The following MLIP variants were observed in gnomAD, a reference collection of about 807,000 sequenced individuals.
MLIP encodes the protein muscular LMNA interacting protein.
MLIP carries 79 observed loss-of-function variants against 84.8 expected under a neutral mutation model. That is an observed-to-expected ratio of 0.93 (90% CI 0.78 to 1.12). The LOEUF is 1.12. Ranked by LOEUF, MLIP falls within the 50% of genes most tolerant of loss-of-function variation. The probability of loss-of-function intolerance (pLI) is 0.00; values close to 1 mark genes in which losing one functional copy is unlikely to be tolerated. For synonymous variants in MLIP, 504 were observed against 463.0 expected (o/e 1.09, Z -1.14); for missense variants, 1,257 against 1,160.6 (o/e 1.08, Z -1.21).
intron 3 of MLIP, among the ~76,000 whole-genome samples, chr6:54,132,599 G>A (rs1771474096): frequency 6.6e-6 from 1 of 152,300 alleles, no homozygotes; most frequent in East Asian, 1.9e-4. Flanking sequence ...TGTGGAGAAT[G>A]TAAAGTTTTT....
intron 9 of MLIP, among the ~76,000 whole-genome samples, chr6:54,182,658 C>T (rs543797457): frequency 8.4e-4 from 128 of 152,226 alleles, no homozygotes; most frequent in African/African-American, 3.0e-3. Context: ...ATTCTATGAA[C>T]TTTGTAGAGG....
intron 1 of MLIP, among the ~76,000 whole-genome samples, chr6:54,106,296 GT>G (rs961950225): frequency 4.9e-4 from 73 of 150,348 alleles, no homozygotes; most frequent in African/African-American, 1.6e-3. Context: ...TGGGCAAGAA[GT>G]TTTTTTTTTC....
intron 10 of MLIP, among the ~76,000 whole-genome samples, chr6:54,198,713 A>C (rs1778463157): frequency 6.6e-6 from 1 of 152,202 alleles, no homozygotes; most frequent in Non-Finnish European, 1.5e-5. Flanking sequence ...TTTATTAACA[A>C]CATTGCAAAA....
chr6:54,022,812 A>G (rs1763570159), intron 1 of MLIP, among the ~76,000 whole-genome samples: 1 of 152,198 alleles, frequency 6.6e-6, no homozygotes. Context: ...TATTGTATTA[A>G]CATAATATGT....
Position 54,136,920 on chromosome 6 carries a change from C to G in MLIP, c.851C>G (p.Ser284Cys), listed in dbSNP as rs1771848246. 3 of 1,535,946 alleles carry G rather than the reference C, an allele frequency of 2.0e-6. No individual in the cohort carries two copies. The highest frequency in any genetic ancestry group is 2.6e-6 in the Non-Finnish European group (3 of 1,146,892). The change falls in exon 4 of 14, where the codon TCT (serine) becomes TGT (cysteine). Residue 284 changes from serine (S) to cysteine (C), a missense_variant. Physicochemically the swap from Ser to Cys is moderately radical, Grantham distance 112 (BLOSUM62 -1). Coordinates refer to ENST00000502396, the MANE Select transcript of MLIP (RefSeq NM_001281747.2). The part of the protein sequence containing the change: ...SATYFQTTAH[S>C]TPFSASKGTS... ...ACGTATTTTCAAACTACCGCTCACT[C>G]TACACCCTTTTCTGCATCGAAGGGC...
intron 1 of MLIP, among the ~76,000 whole-genome samples, chr6:54,062,703 T>TA (rs1212653485): frequency 6.6e-6 from 1 of 151,956 alleles, no homozygotes; most frequent in Non-Finnish European, 1.5e-5. Context: ...GATGCTGGCT[T>TA]AATTTTAATA....
intron 1 of MLIP, among the ~76,000 whole-genome samples, chr6:54,098,120 G>A (rs1280942): frequency 0.99 from 149,251 of 150,084 alleles, 74,221 homozygotes; most frequent in East Asian, 1. Context: ...GGAGGATGCC[G>A]AATGTTAAGT....
At chr6:54,075,996 C>A (rs572366726) in intron 1 of MLIP, among the ~76,000 whole-genome samples, 1 of 152,026 alleles carries the variant, frequency 6.6e-6, no homozygotes, top group African/African-American at 2.4e-5. Flanking sequence ...ACAAATGGTA[C>A]AAAAAGCATG....
At chr6:54,034,670 G>A (rs905954795) in intron 1 of MLIP, among the ~76,000 whole-genome samples, 2 of 151,890 alleles carry the variant, frequency 1.3e-5, no homozygotes, top group African/African-American at 2.4e-5. Context: ...AAGTCAAAAA[G>A]TTAAAAAAAT....
At chr6:54,023,655 C>T (rs1264055542) in intron 1 of MLIP, among the ~76,000 whole-genome samples, 6 of 152,046 alleles carry the variant, frequency 3.9e-5, no homozygotes, top group East Asian at 1.9e-4. Context: ...CTGCAACCTC[C>T]GCCTCCCGAG....
At chr6:54,161,870 T>G (rs1286766772) in intron 8 of MLIP, among the ~76,000 whole-genome samples, 2 of 151,876 alleles carry the variant, frequency 1.3e-5, no homozygotes, top group African/African-American at 4.8e-5. Context: ...AAACTTTGAT[T>G]TGTCAAATAT....
Position 54,136,699 on chromosome 6 carries a change from T to A in MLIP, c.646-16T>A. ...ATAATGTCCTATTTCAATCTGTCTA[T>A]TTCTCTTTCCTCTAGTTAACTTCTT... On this transcript the variant is annotated splice_polypyrimidine_tract_variant and intron_variant, in intron 3 of 13. Transcript: ENST00000502396. 6.9e-7 allele frequency: 1 copy of A among 1,456,234 alleles called. No homozygotes were observed. The highest frequency in any genetic ancestry group is 9.1e-7 in the Non-Finnish European group (1 of 1,103,752). The allele number at this position is 1,456,234 out of a possible 1,614,324, so 90.2% of individuals were successfully genotyped here.
intron 1 of MLIP, among the ~76,000 whole-genome samples, chr6:54,034,183 C>A (rs1287142352): frequency 1.3e-5 from 2 of 152,164 alleles, no homozygotes; most frequent in East Asian, 3.8e-4. Flanking sequence ...AAATATCTAA[C>A]ATAATTTCTC....
chr6:54,100,791 T>C (rs1768587821), intron 1 of MLIP, among the ~76,000 whole-genome samples: 1 of 152,178 alleles, frequency 6.6e-6, no homozygotes, highest in African/African-American at 2.4e-5. Context: ...TCATTAATTC[T>C]TGCCTTCATG....
In MLIP at chr6:54,102,581, G is replaced by A. The variant is rs892826491; in HGVS notation, c.64-18866G>A. Among the ~76,000 whole-genome samples, 10 of 152,224 alleles carry A rather than the reference G, an allele frequency of 6.6e-5. No homozygotes were observed. The South Asian group carries it at 1.9e-3, about 28-fold the overall frequency. ...TATATCTTCAAAGTGACACTTTAAA[G>A]TGACAAAATTAATAAGTGTTTAAAT... On this transcript the variant is annotated intron_variant, in intron 1 of 12. Transcript: ENST00000274897.
At chr6:54,121,370 T>C (rs532143199) in intron 1 of MLIP, 77 bp from the exon 2 acceptor site, 1 of 1,447,880 alleles carries the variant, frequency 6.9e-7, no homozygotes, top group East Asian at 2.3e-5. Flanking sequence ...ATGAGATAAA[T>C]ATCATGTCAT....
intron 9 of MLIP, among the ~76,000 whole-genome samples, chr6:54,184,229 A>C (rs541571233): frequency 6.6e-6 from 1 of 152,182 alleles, no homozygotes; most frequent in Non-Finnish European, 1.5e-5. Flanking sequence ...GTCAACAGAG[A>C]AAAAGGGAAA....
chr6:54,111,006 G>A (rs931726410), upstream of MLIP, among the ~76,000 whole-genome samples: 7 of 152,154 alleles, frequency 4.6e-5, no homozygotes, highest in African/African-American at 1.7e-4. Flanking sequence ...GTGTTTTCTA[G>A]TTCTTTATTT....
intron 1 of MLIP, among the ~76,000 whole-genome samples, chr6:54,061,661 C>A (rs967358018): frequency 1.3e-5 from 2 of 152,070 alleles, no homozygotes; most frequent in South Asian, 4.1e-4. Flanking sequence ...TTAAACACTG[C>A]GCTAGTGTTG....
Sources: gnomAD v4.1 joint callset for allele counts (sites outside exome capture counted in the v4.1 genomes callset) on GRCh38, gnomAD v4.1.1 for gene constraint, MANE v1.5 for transcripts, NCBI Gene and HGNC (gene_info 2026-07-23, HGNC 2026-07-21) for gene names.